Variants in PDZD2 observed in about 807,000 individuals in gnomAD.
The protein encoded by PDZD2 is PDZ domain containing 2.
Under a neutral mutation model 220.7 loss-of-function variants are expected in PDZD2, and 90 were observed. The ratio of observed to expected loss-of-function variants is 0.41; its 90% confidence interval spans 0.34 to 0.49. The LOEUF (loss-of-function observed/expected upper bound fraction) is 0.49. Among genes scored for constraint, PDZD2 ranks in the 20% least tolerant of loss-of-function variants. PDZD2 has a pLI of 0.28. For missense variants in PDZD2, 3,174 were observed against 3,608.5 expected, an observed-to-expected ratio of 0.88 and a Z score of 3.08; for synonymous variants, 1,375 against 1,450.5, an observed-to-expected ratio of 0.95 and a Z score of 1.18.
At chr5:32,061,266 A>AAT in intron 14 of PDZD2, 132 bp downstream of exon 14, 1 of 695,092 alleles carries the variant, frequency 1.4e-6, no homozygotes, top group Non-Finnish European at 2.5e-6. Flanking sequence ...GTGGGAAATG[A>AAT]ATCTCTAATC....
At position 32,091,002 on chromosome 5, in the gene PDZD2, C is replaced by G. The variant is rs745749904; in HGVS notation, c.7554C>G (p.Pro2518=). The change falls in exon 20 of 25, where the codon CCC becomes CCG. Residue 2518 remains proline (P), a synonymous_variant. Coordinates refer to ENST00000438447, the MANE Select transcript of PDZD2 (RefSeq NM_178140.4). ...VLFKTELEIT[P]RRSPGPPAGG... is the part of the protein sequence containing the mutation. ...TCAAAACTGAGCTGGAGATCACCCC[C>G]AGGAGGTCACCTGGCCCTCCTGCTG... 4 of 1,613,906 alleles carry G rather than the reference C, an allele frequency of 2.5e-6. No homozygotes were observed. The highest frequency in any genetic ancestry group is 2.2e-5 in the East Asian group (1 of 44,840).
intron 1 of PDZD2, among the ~76,000 whole-genome samples, chr5:31,752,867 C>G (rs1751091314): frequency 6.6e-6 from 1 of 152,074 alleles, no homozygotes; most frequent in Admixed American, 6.5e-5. Context: ...TGGTTGGTGC[C>G]TTTCTTATGC....
chr5:32,044,584 AATAC>A (rs1483670552), intron 7 of PDZD2, among the ~76,000 whole-genome samples: 2 of 152,166 alleles, frequency 1.3e-5, no homozygotes, highest in Admixed American at 6.5e-5. Context: ...AAATTAATTC[AATAC>A]GTTTTTGGCA....
intron 1 of PDZD2, among the ~76,000 whole-genome samples, chr5:31,656,810 G>T (rs1289598988): frequency 6.6e-6 from 1 of 152,136 alleles, no homozygotes; most frequent in East Asian, 1.9e-4. Flanking sequence ...CCTTTTAGGG[G>T]CTCTAAGAGG....
chr5:32,091,741 G>C (rs1176143099), intron 20 of PDZD2, among the ~76,000 whole-genome samples: 1 of 152,192 alleles, frequency 6.6e-6, no homozygotes, highest in African/African-American at 2.4e-5. Flanking sequence ...CCAGGATCCA[G>C]GATACTACAT....
chr5:32,032,519 C>T (rs1755207958), intron 6 of PDZD2, among the ~76,000 whole-genome samples: 1 of 152,180 alleles, frequency 6.6e-6, no homozygotes, highest in Non-Finnish European at 1.5e-5. Flanking sequence ...AACGTTCAGC[C>T]TTCTCCAGTC....
intron 2 of PDZD2, among the ~76,000 whole-genome samples, chr5:31,865,946 A>G (rs1322394674): frequency 1.5e-5 from 2 of 135,154 alleles, no homozygotes; most frequent in African/African-American, 2.8e-5. Context: ...TTTTTTTTTA[A>G]TCCCCTGGGT....
intron 2 of PDZD2, chr5:31,847,905 A>C (rs756054903): frequency 4.2e-6 from 2 of 471,922 alleles, no homozygotes; most frequent in Non-Finnish European, 8.3e-6. Flanking sequence ...TACCTAATGG[A>C]AGATGAAGAT....
chr5:32,095,247 G>A (rs1480770474), intron 21 of PDZD2, among the ~76,000 whole-genome samples: 2 of 152,200 alleles, frequency 1.3e-5, no homozygotes, highest in African/African-American at 4.8e-5. Flanking sequence ...CTCACCACGA[G>A]GCAGGGTTGT....
intron 2 of PDZD2, among the ~76,000 whole-genome samples, chr5:31,911,867 C>T (rs1487296278): frequency 1.3e-5 from 2 of 152,150 alleles, no homozygotes; most frequent in African/African-American, 2.4e-5. Flanking sequence ...TGACCCTTGC[C>T]GCCTCTGTCA....
chr5:31,986,992 A>G (rs879076613), intron 3 of PDZD2, among the ~76,000 whole-genome samples: 4 of 151,782 alleles, frequency 2.6e-5, no homozygotes, highest in South Asian at 2.1e-4. Flanking sequence ...TAATACATAT[A>G]TAAGCAGATG....
Position 32,088,440 on chromosome 5 carries a change from G to GC in PDZD2, c.4994dup (p.Ser1666IlefsTer12). On this transcript the variant is annotated frameshift_variant, in exon 20 of 25. Coordinates refer to ENST00000438447, the MANE Select transcript of PDZD2 (RefSeq NM_178140.4). LOFTEE classifies it high-confidence loss of function. This position sits in a 1 kb window ranked among gnomAD's most constrained non-coding sequence, Gnocchi z 4.6. ...ACACTTCAGGCCCAGACTCTTCCCA[G>GC]CCATCATCACTCTTGGAGATGAGCT... is the stretch of plus-strand genomic sequence containing the variant. 6.2e-7 allele frequency: 1 copy of GC among 1,614,054 alleles called. No individual in the cohort carries two copies. The highest frequency in any genetic ancestry group is 8.5e-7 in the Non-Finnish European group (1 of 1,180,006).
chr5:31,926,006 G>T (rs776799081), intron 2 of PDZD2, among the ~76,000 whole-genome samples: 1 of 152,004 alleles, frequency 6.6e-6, no homozygotes, highest in African/African-American at 2.4e-5. Flanking sequence ...ATCATTTGAG[G>T]CCAAGAGTTC....
At chr5:31,995,458 T>G (rs1751551135) in intron 3 of PDZD2, 118 bp from the exon 4 acceptor site, 1 of 1,030,122 alleles carries the variant, frequency 9.7e-7, no homozygotes, top group African/African-American at 1.6e-5. Flanking sequence ...CCTGTGATAA[T>G]CTGTGATATC....
chr5:31,878,796 C>T (rs1042869732), intron 2 of PDZD2, among the ~76,000 whole-genome samples: 1 of 151,422 alleles, frequency 6.6e-6, no homozygotes, highest in East Asian at 2.0e-4. Context: ...CTCCTGACTT[C>T]GTGATCCGCC....
chr5:32,032,049 G>A (rs1755162290), intron 6 of PDZD2, among the ~76,000 whole-genome samples: 1 of 152,176 alleles, frequency 6.6e-6, no homozygotes, highest in Admixed American at 6.5e-5. Flanking sequence ...TCTGAATAGG[G>A]AGCAACATGA....
intron 2 of PDZD2, among the ~76,000 whole-genome samples, chr5:31,845,494 C>A (rs1424855414): frequency 1.3e-5 from 2 of 152,178 alleles, no homozygotes; most frequent in Non-Finnish European, 2.9e-5. Flanking sequence ...GATGTGAGCA[C>A]TCAGAAGAGA....
intron 6 of PDZD2, among the ~76,000 whole-genome samples, chr5:32,022,059 G>A (rs1323403541): frequency 6.6e-6 from 1 of 152,130 alleles, no homozygotes; most frequent in African/African-American, 2.4e-5. Flanking sequence ...GCACTGTGCT[G>A]GGTGCTTTGG....
intron 2 of PDZD2, among the ~76,000 whole-genome samples, chr5:31,818,574 GCACAGATGCA>G (rs1755618208): frequency 1.3e-5 from 2 of 152,066 alleles, no homozygotes; most frequent in South Asian, 4.1e-4. Context: ...ACCCTACCAG[GCACAGATGCA>G]CTGGCACCTC....
Sources: gnomAD v4.1 joint callset for allele counts (sites outside exome capture counted in the v4.1 genomes callset) on GRCh38, gnomAD v4.1.1 for gene constraint, Gnocchi (gnomAD v3.1) non-coding constraint, MANE v1.5 for transcripts, NCBI Gene and HGNC (gene_info 2026-07-23, HGNC 2026-07-21) for gene names.